Variants in IRAK1BP1 observed in about 807,000 individuals in gnomAD.
IRAK1BP1 encodes interleukin 1 receptor associated kinase 1 binding protein 1.
Under a neutral mutation model 28.0 loss-of-function variants are expected in IRAK1BP1, and 24 were observed. The ratio of observed to expected loss-of-function variants is 0.86; its 90% CI spans 0.62 to 1.20. The LOEUF is 1.20. Among genes scored for constraint, IRAK1BP1 ranks in the 50% most tolerant of loss-of-function variants. The pLI, the probability that IRAK1BP1 is intolerant of heterozygous loss-of-function variation, is 0.00. For missense variants in IRAK1BP1, 336 were observed against 316.7 expected, an observed-to-expected ratio of 1.06 and a Z score of -0.46; for synonymous variants, 131 against 116.3, an observed-to-expected ratio of 1.13 and a Z score of -0.81.
chr6:78,902,736 A>C lies in IRAK1BP1; in HGVS notation c.*4402A>C. 1 of 345,906 alleles carries C rather than the reference A, an allele frequency of 2.9e-6. No homozygotes were observed. The highest frequency in any genetic ancestry group is 4.7e-5 in the East Asian group (1 of 21,414). The allele number at this position is 345,906 out of a possible 1,614,324, so 21.4% of individuals were successfully genotyped here. On this transcript the variant is annotated 3_prime_UTR_variant, in exon 4 of 4. Transcript: ENST00000369940. ...CAGTGAGCCGAGATCGCACCACTGC[A>C]CTTCAGCCTGGGTGACAAAGTGAGA...
rs140788086 is a variant in IRAK1BP1 at position 78,878,615 on chromosome 6, G to A, written c.316-6763G>A. On this transcript the variant is annotated intron_variant, in intron 1 of 3. Transcript: ENST00000369940. ...CTCCTCCAAAGGAATGCAGCTCCTC[G>A]CCAGCAACAGAACAAAGCTGGACTG... Among the ~76,000 whole-genome samples the A allele has an allele frequency of 2.8e-3, 427 of 152,250 alleles. 2 individuals are homozygous for A. The highest frequency in any genetic ancestry group is 0.01 in the African/African-American group (417 of 41,556).
intron 1 of IRAK1BP1, among the ~76,000 whole-genome samples, chr6:78,877,934 G>A (rs1394177868): frequency 6.6e-6 from 1 of 151,964 alleles, no homozygotes; most frequent in Non-Finnish European, 1.5e-5. Flanking sequence ...GCAGCAGTGA[G>A]GGAGGGGGAG....
At chr6:78,958,618 T>A in the IRAK1BP1 span, 13,455 of 1,478,278 alleles carry the variant, frequency 9.1e-3, 89 homozygotes, top group Non-Finnish European at 0.01. Context: ...AAACAAAATA[T>A]AGAAGTTTTA....
chr6:78,906,246 C>G (rs1316808740), downstream of IRAK1BP1, among the ~76,000 whole-genome samples: 1 of 151,120 alleles, frequency 6.6e-6, no homozygotes, highest in African/African-American at 2.4e-5. Context: ...TTCTGAGTAA[C>G]CTAGTTTATT....
At chr6:78,927,269 A>G (rs1772915050) in intron 4 of IRAK1BP1, among the ~76,000 whole-genome samples, 1 of 152,170 alleles carries the variant, frequency 6.6e-6, no homozygotes, top group Middle Eastern at 3.4e-3. Flanking sequence ...ATCCCATCGT[A>G]GTTTTGATTT....
chr6:78,929,460 TTC>T (rs376916487), intron 4 of IRAK1BP1, among the ~76,000 whole-genome samples: 34 of 152,272 alleles, frequency 2.2e-4, no homozygotes, highest in African/African-American at 7.5e-4. Context: ...GTACCACATG[TTC>T]TCACTTATAA....
chr6:78,962,382 A>C, the IRAK1BP1 span, among the ~76,000 whole-genome samples: 1 of 152,184 alleles, frequency 6.6e-6, no homozygotes, highest in Non-Finnish European at 1.5e-5. Context: ...ATAATACTTA[A>C]TATCCTAAAA....
At chr6:78,904,300 T>C (rs1772203608), downstream of IRAK1BP1, among the ~76,000 whole-genome samples, 1 of 152,208 alleles carries the variant, frequency 6.6e-6, no homozygotes, top group Non-Finnish European at 1.5e-5. Context: ...CATTTCAAGC[T>C]TATTGGATCA....
the IRAK1BP1 span, among the ~76,000 whole-genome samples, chr6:78,975,289 T>G: frequency 1.3e-5 from 2 of 152,104 alleles, no homozygotes; most frequent in South Asian, 4.1e-4. Flanking sequence ...ATTATCTCAA[T>G]AGATGCAGAA....
At chr6:78,872,268 T>C in intron 1 of IRAK1BP1, 1 of 494,548 alleles carries the variant, frequency 2.0e-6, no homozygotes, top group Non-Finnish European at 3.6e-6. Context: ...ACTCTGTTAA[T>C]GGTGTTTTTT....
intron 1 of IRAK1BP1, chr6:78,872,098 C>G: frequency 1.4e-6 from 1 of 700,544 alleles, no homozygotes; most frequent in Non-Finnish European, 2.6e-6. Context: ...GGAAAGAGAC[C>G]CCAGCATCTT....
chr6:78,955,708 G>C, the IRAK1BP1 span: 6 of 752,432 alleles, frequency 8.0e-6, no homozygotes, highest in African/African-American at 1.8e-5. Context: ...ATGTTAACAT[G>C]TAAGATTAGA....
In IRAK1BP1 at chr6:78,898,831, A is replaced by G. The variant is rs1435358407; in HGVS notation, c.*497A>G. The stretch of plus-strand genomic sequence containing the variant: ...TCAAACCTAATAATTTTCCACAACT[A>G]AAAATGAGTATAAATACATAATTTT... On this transcript the variant is annotated 3_prime_UTR_variant, in exon 4 of 4. Transcript: ENST00000369940. 6.6e-6 allele frequency: 1 copy of G among 152,182 alleles called. No individual in the cohort carries two copies. The highest frequency in any genetic ancestry group is 1.5e-5 in the Non-Finnish European group (1 of 68,026). 9.4% of individuals were successfully genotyped at this position (152,182 alleles called of 1,614,324 possible).
At chr6:78,975,983 C>G in the IRAK1BP1 span, among the ~76,000 whole-genome samples, 1 of 151,786 alleles carries the variant, frequency 6.6e-6, no homozygotes, top group African/African-American at 2.4e-5. Flanking sequence ...CCATCCCCAT[C>G]AAGCTACCAA....
At chr6:78,873,297 G>A (rs1410028853) in intron 1 of IRAK1BP1, among the ~76,000 whole-genome samples, 1 of 134,000 alleles carries the variant, frequency 7.5e-6, no homozygotes, top group Admixed American at 7.6e-5. Flanking sequence ...TAAATAACCT[G>A]TCATATATTG....
chr6:78,958,337 T>C, the IRAK1BP1 span: 4 of 581,190 alleles, frequency 6.9e-6, no homozygotes, highest in Non-Finnish European at 1.2e-5. Flanking sequence ...ATCTTCAGTC[T>C]AATGCTCTCC....
chr6:78,926,069 A>C (rs1472473763), intron 4 of IRAK1BP1, among the ~76,000 whole-genome samples: 2 of 152,084 alleles, frequency 1.3e-5, no homozygotes, highest in Non-Finnish European at 2.9e-5. Flanking sequence ...AAGATCAAAA[A>C]ATGCTCAATA....
the IRAK1BP1 span, among the ~76,000 whole-genome samples, chr6:78,962,276 T>C: frequency 6.6e-6 from 1 of 152,126 alleles, no homozygotes; most frequent in East Asian, 1.9e-4. Context: ...ACCCAGAAGT[T>C]TTGATTCAGT....
the IRAK1BP1 span, among the ~76,000 whole-genome samples, chr6:78,968,254 CT>C: frequency 0.019 from 2,952 of 152,310 alleles, 88 homozygotes; most frequent in African/African-American, 0.067. Flanking sequence ...ATTTTACCTA[CT>C]ACTTCTTGAC....
Sources: allele counts gnomAD v4.1 joint callset (sites outside exome capture counted in the v4.1 genomes callset), GRCh38; gene constraint gnomAD v4.1.1; transcripts MANE v1.5; gene names NCBI Gene and HGNC (gene_info 2026-07-23, HGNC 2026-07-21).